Variants in TAF3 observed in about 807,000 individuals in gnomAD.
TAF3 encodes transcription initiation factor TFIID subunit 3.
In TAF3, 7 loss-of-function variants were observed where a neutral mutation model predicts 80.6. The ratio of observed to expected loss-of-function variants is 0.09; its 90% confidence interval spans 0.05 to 0.16. The LOEUF is 0.16. Among genes scored for constraint, TAF3 ranks in the 10% least tolerant of loss-of-function variants. The probability of loss-of-function intolerance (pLI) is 1.00; values close to 1 mark genes in which losing one functional copy is unlikely to be tolerated. For missense variants in TAF3, 921 were observed against 1,140.2 expected (o/e 0.81, Z 2.77); for synonymous variants, 444 against 446.1 (o/e 1.00, Z 0.06).
At chr10:7,939,714 A>G (rs1046031283) in intron 2 of TAF3, among the ~76,000 whole-genome samples, 8 of 152,078 alleles carry the variant, frequency 5.3e-5, no homozygotes, top group African/African-American at 9.7e-5. Context: ...TAAAAATATA[A>G]TAACCAAAAG....
intron 2 of TAF3, among the ~76,000 whole-genome samples, chr10:7,883,601 T>C (rs1433040343): frequency 6.6e-6 from 1 of 152,244 alleles, no homozygotes; most frequent in Non-Finnish European, 1.5e-5. Flanking sequence ...CCATTGGTGA[T>C]CTTTACTCAT....
At chr10:8,001,781 T>A (rs764835715) in intron 4 of TAF3, among the ~76,000 whole-genome samples, 16 of 152,326 alleles carry the variant, frequency 1.1e-4, no homozygotes, top group Middle Eastern at 3.4e-3. Context: ...GGGATTTTTT[T>A]AATTAACTAT....
chr10:7,967,317 G>C (rs1588570409), intron 3 of TAF3, among the ~76,000 whole-genome samples: 1 of 152,202 alleles, frequency 6.6e-6, no homozygotes, highest in Non-Finnish European at 1.5e-5. Flanking sequence ...CTTCACTTTG[G>C]AAAGTCAGTG....
At chr10:7,990,915 C>T (rs1019186205) in intron 4 of TAF3, among the ~76,000 whole-genome samples, 9 of 152,160 alleles carry the variant, frequency 5.9e-5, no homozygotes, top group African/African-American at 1.9e-4. Context: ...GGAAACTTCT[C>T]GAGCCCCTCT....
At chr10:7,904,484 T>G (rs1837588810) in intron 2 of TAF3, among the ~76,000 whole-genome samples, 1 of 39,916 alleles carries the variant, frequency 2.5e-5, no homozygotes, top group Non-Finnish European at 5.7e-5. Flanking sequence ...AGTCTATTAG[T>G]GCCTGATACA....
At position 7,818,910 on chromosome 10, in the gene TAF3, G is replaced by A; in HGVS notation, c.166+35G>A. ...GGGCTGGGTGCGGGAGGGCTGCCCC[G>A]GCAAGTCAAGGGTGACACCTTCGCT... On this transcript the variant is annotated intron_variant, in intron 1 of 6. Coordinates refer to ENST00000344293, the MANE Select transcript of TAF3 (RefSeq NM_031923.4). 1.5e-6 allele frequency: 2 copies of A among 1,371,540 alleles called. 1 individual carries two copies. The highest frequency in any genetic ancestry group is 3.3e-5 in the South Asian group (2 of 61,258). The allele number at this position is 1,371,540 out of a possible 1,614,324, so 85.0% of individuals were successfully genotyped here. A position where few individuals can be genotyped will look rare whatever the true frequency, so the allele number is the denominator to read the frequency against.
rs1838000893 is a variant in TAF3, at chr10:7,944,092, C to CG, written c.410-19828_410-19827insG. Among the ~76,000 whole-genome samples the CG allele has an allele frequency of 1.0e-4, 9 of 88,000 alleles. No individual in the cohort carries two copies. The East Asian group carries it at 1.0e-3, about 10-fold the overall frequency. 57.7% of individuals were successfully genotyped at this position (88,000 alleles called of 152,430 possible). Reference sequence around the variant, plus strand: ...TCACTGATTTTTTAAAATGTTCATGCTTGTGTGTGTGTGTGTGTGTGTGTG... The same window carrying CG: ...TCACTGATTTTTTAAAATGTTCATGCGTTGTGTGTGTGTGTGTGTGTGTGTG... On this transcript the variant is annotated intron_variant, in intron 2 of 6. Transcript: ENST00000344293.
chr10:7,985,342 C>G (rs1314737254), intron 4 of TAF3, among the ~76,000 whole-genome samples: 1 of 152,164 alleles, frequency 6.6e-6, no homozygotes, highest in Non-Finnish European at 1.5e-5. Flanking sequence ...ACCTTGCCTG[C>G]CCCGGCTGGA....
chr10:7,950,918 T>C (rs1418644273), intron 2 of TAF3, among the ~76,000 whole-genome samples: 3 of 152,234 alleles, frequency 2.0e-5, no homozygotes, highest in African/African-American at 4.8e-5. Context: ...GAGGCTGTGA[T>C]GTGCCTCATA....
chr10:7,921,332 C>T (rs990186843), intron 2 of TAF3, among the ~76,000 whole-genome samples: 2 of 152,134 alleles, frequency 1.3e-5, no homozygotes, highest in Admixed American at 6.5e-5. Context: ...TATTACCCTA[C>T]TGCCTTTAAA....
intron 2 of TAF3, among the ~76,000 whole-genome samples, chr10:7,918,744 A>T (rs995997955): frequency 6.6e-6 from 1 of 152,148 alleles, no homozygotes; most frequent in Non-Finnish European, 1.5e-5. Context: ...CCATATTTCT[A>T]TCTGTTACCT....
chr10:7,940,311 C>A (rs79242879), intron 2 of TAF3, among the ~76,000 whole-genome samples: 2,233 of 152,304 alleles, frequency 0.015, 30 homozygotes, highest in South Asian at 0.05. Context: ...GATTCAGTCT[C>A]AATTTAATTA....
chr10:7,860,275 G>A (rs1026756192), intron 2 of TAF3, among the ~76,000 whole-genome samples: 2 of 146,716 alleles, frequency 1.4e-5, no homozygotes, highest in Admixed American at 6.9e-5. Flanking sequence ...GACCCTGTCT[G>A]GAAAAAAAAA....
At chr10:7,820,624 A>G (rs1186430088) in intron 1 of TAF3, among the ~76,000 whole-genome samples, 1 of 152,102 alleles carries the variant, frequency 6.6e-6, no homozygotes, top group Non-Finnish European at 1.5e-5. Flanking sequence ...CCTTCCAAGT[A>G]GCTGGGACTA....
At chr10:7,839,350 C>T (rs1478367072) in intron 2 of TAF3, among the ~76,000 whole-genome samples, 2 of 152,198 alleles carry the variant, frequency 1.3e-5, no homozygotes, top group African/African-American at 4.8e-5. Flanking sequence ...AAGTCCTACA[C>T]TCATTCTCCA....
At chr10:7,866,794 C>T (rs1019085398) in intron 2 of TAF3, among the ~76,000 whole-genome samples, 2 of 152,050 alleles carry the variant, frequency 1.3e-5, no homozygotes, top group African/African-American at 2.4e-5. Flanking sequence ...CAGTGTTGGA[C>T]GCATCAGGTT....
At chr10:7,885,717 C>G (rs901294634) in intron 2 of TAF3, among the ~76,000 whole-genome samples, 2 of 152,198 alleles carry the variant, frequency 1.3e-5, no homozygotes, top group African/African-American at 4.8e-5. Context: ...AATAATCAAC[C>G]TTTCTTCCTT....
intron 2 of TAF3, among the ~76,000 whole-genome samples, chr10:7,840,964 C>T (rs567659109): frequency 6.6e-6 from 1 of 152,074 alleles, no homozygotes; most frequent in East Asian, 1.9e-4. Context: ...ATTCTCCTGC[C>T]TCAGCCTCCC....
chr10:7,875,598 T>C (rs932480817), intron 2 of TAF3, among the ~76,000 whole-genome samples: 3 of 152,170 alleles, frequency 2.0e-5, no homozygotes, highest in Admixed American at 6.5e-5. Flanking sequence ...GAAAGAGAAG[T>C]TGACTGCCTC....
Sources: allele counts gnomAD v4.1 joint callset (sites outside exome capture counted in the v4.1 genomes callset), GRCh38; gene constraint gnomAD v4.1.1; transcripts MANE v1.5; gene names NCBI Gene and HGNC (gene_info 2026-07-23, HGNC 2026-07-21).